The following AGBL4 variants were observed in gnomAD, a reference collection of about 807,000 sequenced individuals.
AGBL4 encodes the protein AGBL carboxypeptidase 4, also known as cytosolic carboxypeptidase 6.
A neutral mutation model predicts 66.4 loss-of-function variants in AGBL4; 58 were observed. The observed-to-expected ratio is 0.87, with a 90% CI of 0.71 to 1.09. The LOEUF (loss-of-function observed/expected upper bound fraction) is 1.09. Among genes scored for constraint, AGBL4 ranks in the 50% least tolerant of loss-of-function variants. The pLI, the probability that AGBL4 is intolerant of heterozygous loss-of-function variation, is 0.00. For missense variants in AGBL4, 579 were observed against 631.0 expected, an observed-to-expected ratio of 0.92 and a Z score of 0.88; for synonymous variants, 234 against 222.9, an observed-to-expected ratio of 1.05 and a Z score of -0.44.
intron 3 of AGBL4, among the ~76,000 whole-genome samples, chr1:49,673,068 A>G (rs1425014496): frequency 6.6e-6 from 1 of 152,178 alleles, no homozygotes; most frequent in Non-Finnish European, 1.5e-5. Flanking sequence ...AAAGTAAGAA[A>G]GTAAGTTGAC....
chr1:48,951,834 C>G (rs1009069392), intron 5 of AGBL4, among the ~76,000 whole-genome samples: 12 of 152,120 alleles, frequency 7.9e-5, no homozygotes, highest in Admixed American at 3.3e-4. Context: ...AATTGTTGAA[C>G]AAATAGGAAA....
intron 4 of AGBL4, among the ~76,000 whole-genome samples, chr1:49,168,675 T>C (rs1283892105): frequency 6.6e-6 from 1 of 152,180 alleles, no homozygotes; most frequent in East Asian, 1.9e-4. Context: ...ATGCAACTCT[T>C]GCCACCTGCA....
At chr1:49,423,898 G>A (rs1298108244) in intron 3 of AGBL4, among the ~76,000 whole-genome samples, 1 of 151,384 alleles carries the variant, frequency 6.6e-6, no homozygotes, top group Non-Finnish European at 1.5e-5. Flanking sequence ...GAGCTCCCCA[G>A]CTCATTAGTG....
chr1:49,565,672 C>A (rs1437687585), intron 3 of AGBL4, among the ~76,000 whole-genome samples: 1 of 152,126 alleles, frequency 6.6e-6, no homozygotes, highest in South Asian at 2.1e-4. Context: ...CCGAGAGATC[C>A]GCTGTTAGTC....
At chr1:48,923,091 T>C (rs1228712074) in intron 5 of AGBL4, among the ~76,000 whole-genome samples, 1 of 150,304 alleles carries the variant, frequency 6.7e-6, no homozygotes, top group South Asian at 2.1e-4. Flanking sequence ...AGAAAAAAAT[T>C]AAAAAAAATA....
chr1:49,762,319 G>T (rs1339060980), intron 2 of AGBL4, among the ~76,000 whole-genome samples: 2 of 151,840 alleles, frequency 1.3e-5, no homozygotes, highest in African/African-American at 2.4e-5. Flanking sequence ...TTTTCCTAAT[G>T]ATTAGTGATG....
chr1:48,851,529 G>T (rs1419364260), intron 6 of AGBL4, among the ~76,000 whole-genome samples: 1 of 152,148 alleles, frequency 6.6e-6, no homozygotes, highest in African/African-American at 2.4e-5. Context: ...GGCTGGAACT[G>T]AGCCCACCTG....
chr1:49,161,344 G>T (rs973173648), intron 4 of AGBL4, among the ~76,000 whole-genome samples: 2 of 152,116 alleles, frequency 1.3e-5, no homozygotes, highest in Admixed American at 6.6e-5. Context: ...GTGAGGTGAT[G>T]CCCCGCCCTG....
intron 3 of AGBL4, among the ~76,000 whole-genome samples, chr1:49,319,938 A>G (rs986932939): frequency 2.6e-5 from 4 of 151,580 alleles, no homozygotes; most frequent in Non-Finnish European, 5.9e-5. Flanking sequence ...CTTTCTTTCT[A>G]TTTTTTTTAA....
At chr1:49,620,474 G>T (rs1645338086) in intron 3 of AGBL4, among the ~76,000 whole-genome samples, 1 of 152,188 alleles carries the variant, frequency 6.6e-6, no homozygotes, top group Non-Finnish European at 1.5e-5. Context: ...AATAACAGAT[G>T]CTAGAGGGGA....
intron 2 of AGBL4, among the ~76,000 whole-genome samples, chr1:49,813,792 C>T (rs1328791735): frequency 2.0e-5 from 3 of 151,910 alleles, no homozygotes; most frequent in South Asian, 2.1e-4. Context: ...AACAGAGATA[C>T]GGAATATGGA....
chr1:48,776,527 C>A, intron 6 of AGBL4: 1 of 1,108,538 alleles, frequency 9.0e-7, no homozygotes, highest in Non-Finnish European at 1.2e-6. Context: ...CCCCGGTCCC[C>A]TCCGCCCGGG....
chr1:48,974,216 T>C (rs1470570875), intron 5 of AGBL4, among the ~76,000 whole-genome samples: 2 of 152,044 alleles, frequency 1.3e-5, no homozygotes, highest in Admixed American at 6.6e-5. Flanking sequence ...TAAGGAAAGA[T>C]AGACAAGGCC....
chr1:50,023,809 T>G lies in AGBL4; in HGVS notation c.-13A>C. Reference sequence around the variant, plus strand: ...TCCCCTCCGCCATTTTTGTTGTCCCTCAGTCTCCGAGCTCACGCGAAGACC... The same window carrying G: ...TCCCCTCCGCCATTTTTGTTGTCCCGCAGTCTCCGAGCTCACGCGAAGACC... On this transcript the variant is annotated 5_prime_UTR_variant, in exon 1 of 14. Coordinates refer to ENST00000371839, the MANE Select transcript of AGBL4 (RefSeq NM_032785.4). The G allele has an allele frequency of 6.5e-7, 1 of 1,548,884 alleles. No individual in the cohort carries two copies. The highest frequency in any genetic ancestry group is 2.0e-5 in the Admixed American group (1 of 50,636).
intron 3 of AGBL4, among the ~76,000 whole-genome samples, chr1:49,397,399 G>C (rs1164817452): frequency 6.6e-6 from 1 of 152,142 alleles, no homozygotes; most frequent in East Asian, 1.9e-4. Context: ...GGGTGAAGCA[G>C]GTGCTTTCTT....
chr1:48,857,742 T>C (rs928791828), intron 6 of AGBL4, among the ~76,000 whole-genome samples: 4 of 151,354 alleles, frequency 2.6e-5, no homozygotes, highest in African/African-American at 9.7e-5. Context: ...GAAGAGAGCA[T>C]AGGAGTACAT....
At chr1:48,588,798 CAGAGAAGAGA>C (rs547681818) in intron 10 of AGBL4, among the ~76,000 whole-genome samples, 7,568 of 113,166 alleles carry the variant, frequency 0.067, 281 homozygotes, top group East Asian at 0.13. Flanking sequence ...CATTGAGGAT[CAGAGAAGAGA>C]AGAGAAGAGA....
At position 49,948,148 on chromosome 1, in the gene AGBL4, A is replaced by G. The variant is rs1430294435; in HGVS notation, c.34+75615T>C. 5.6e-4 allele frequency among the ~76,000 whole-genome samples: 58 copies of G among 104,062 alleles called. 1 individual carries two copies. The East Asian group carries it at 6.9e-3, about 12-fold the overall frequency. The allele number at this position is 104,062 out of a possible 152,430, so 68.3% of individuals were successfully genotyped here. ...TATATATAAATATATGTAAATATAT[A>G]TAAATATACGTAAATATATAAATAT... On this transcript the variant is annotated intron_variant, in intron 1 of 13. Transcript: ENST00000371839.
Position 49,530,868 on chromosome 1 carries a change from T to C in AGBL4, c.282+166445A>G, listed in dbSNP as rs1285085278. The stretch of plus-strand genomic sequence containing the variant: ...TCAAATCCTGCATCCTATCTCATAC[T>C]GGCAAAGCAACTAGACAAATTACTC... On this transcript the variant is annotated intron_variant, in intron 3 of 13. Transcript: ENST00000371839. 4.6e-5 allele frequency among the ~76,000 whole-genome samples: 7 copies of C among 152,088 alleles called. 1 individual carries two copies. In the East Asian group the frequency reaches 9.6e-4, roughly 21 times the overall value.
Sources: allele counts gnomAD v4.1 joint callset (sites outside exome capture counted in the v4.1 genomes callset), GRCh38; gene constraint gnomAD v4.1.1; transcripts MANE v1.5; gene names NCBI Gene and HGNC (gene_info 2026-07-23, HGNC 2026-07-21).